The following CELF4 variants were observed in gnomAD, a reference collection of about 807,000 sequenced individuals.
CELF4 encodes CUGBP Elav-like family member 4.
In CELF4, 18 loss-of-function variants were observed where a neutral mutation model predicts 59.9. That is an observed-to-expected ratio of 0.30 (90% CI 0.21 to 0.45). The LOEUF is 0.45. CELF4 is among the 20% of genes least tolerant of loss of function. The pLI is 1.00. For missense variants in CELF4, 456 were observed against 689.0 expected (o/e 0.66, Z 3.79); for synonymous variants, 261 against 267.1 (o/e 0.98, Z 0.22).
At chr18:37,425,198 C>T (rs1412057432) in intron 2 of CELF4, among the ~76,000 whole-genome samples, 4 of 152,364 alleles carry the variant, frequency 2.6e-5, no homozygotes, top group East Asian at 1.9e-4. Context: ...TGAAGGTGCT[C>T]GGCCATGACT....
Position 37,565,590 on chromosome 18 carries a change from G to T in CELF4, c.52C>A (p.Leu18Ile), listed in dbSNP as rs140670537. Residue 18 changes from leucine (L) to isoleucine (I), a missense_variant, in exon 1 of 13, where the codon CTC becomes ATC. Physicochemically the swap from Leu to Ile is conservative, Grantham distance 5. This residue lies in a region of CELF4 where 70 missense variants were observed against 69.5 expected (regional missense o/e 1.01). Coordinates refer to ENST00000420428, the MANE Select transcript of CELF4 (RefSeq NM_020180.4). ...LANGQADNAS[L>I]STNGLGSSPG... ...CTGCTGCCGAGCCCGTTGGTACTGA[G>T]GCTTGCGTTGTCAGCCTGTCCGTTT... The T allele has an allele frequency of 4.8e-5, 77 of 1,611,222 alleles. No homozygotes were observed. The highest frequency in any genetic ancestry group is 6.2e-5 in the Non-Finnish European group (73 of 1,178,280).
At chr18:37,369,592 T>C (rs947406067) in intron 2 of CELF4, among the ~76,000 whole-genome samples, 2 of 152,224 alleles carry the variant, frequency 1.3e-5, no homozygotes, top group Non-Finnish European at 2.9e-5. Context: ...CTCTCTAGTT[T>C]CACCATCTCT....
At chr18:37,364,949 C>T (rs1464999283) in intron 2 of CELF4, among the ~76,000 whole-genome samples, 1 of 152,074 alleles carries the variant, frequency 6.6e-6, no homozygotes, top group African/African-American at 2.4e-5. Context: ...GGAAGGTCAG[C>T]AGGGACCAGG....
chr18:37,274,621 C>A, intron 5 of CELF4, 167 bp from the exon 6 acceptor site: 1 of 1,513,314 alleles, frequency 6.6e-7, no homozygotes, highest in South Asian at 1.2e-5. Context: ...CGGGCATTTT[C>A]CACCTGGGTA....
chr18:37,359,173 A>C (rs1220762288), intron 2 of CELF4, among the ~76,000 whole-genome samples: 1 of 152,156 alleles, frequency 6.6e-6, no homozygotes, highest in Non-Finnish European at 1.5e-5. Context: ...GAAGGGCGAC[A>C]AGGGAGCCTG....
At chr18:37,287,116 C>G (rs1274131062) in intron 3 of CELF4, among the ~76,000 whole-genome samples, 1 of 152,164 alleles carries the variant, frequency 6.6e-6, no homozygotes, top group Non-Finnish European at 1.5e-5. Flanking sequence ...AGCCAGGTGA[C>G]TCGGGCTGGC....
chr18:37,458,984 G>T (rs1337803333), intron 2 of CELF4, among the ~76,000 whole-genome samples: 1 of 152,222 alleles, frequency 6.6e-6, no homozygotes, highest in African/African-American at 2.4e-5. Flanking sequence ...TATCTGGAGA[G>T]CTTGGCTCTG....
At chr18:37,336,653 C>T (rs956668171) in intron 2 of CELF4, among the ~76,000 whole-genome samples, 3 of 120,818 alleles carry the variant, frequency 2.5e-5, no homozygotes, top group African/African-American at 6.5e-5. Flanking sequence ...CAGGCCCTGG[C>T]ACACGTGCAT....
intron 2 of CELF4, among the ~76,000 whole-genome samples, chr18:37,410,980 G>T (rs763026530): frequency 1.3e-5 from 2 of 152,118 alleles, no homozygotes; most frequent in Non-Finnish European, 2.9e-5. Flanking sequence ...TTTTTGAGAC[G>T]AGGTCTCACT....
chr18:37,530,774 C>T (rs576992193), intron 1 of CELF4, among the ~76,000 whole-genome samples: 14 of 152,004 alleles, frequency 9.2e-5, no homozygotes, highest in Non-Finnish European at 1.5e-4. Context: ...CAAGCCCTTT[C>T]GGCCCTATCT....
At chr18:37,548,332 A>G (rs1416665684) in intron 1 of CELF4, among the ~76,000 whole-genome samples, 1 of 152,204 alleles carries the variant, frequency 6.6e-6, no homozygotes, top group Non-Finnish European at 1.5e-5. Flanking sequence ...GCTTGAGCAT[A>G]TGACCAATCT....
intron 1 of CELF4, among the ~76,000 whole-genome samples, chr18:37,547,160 G>GTGGTGT (rs61235122): frequency 5.5e-5 from 8 of 144,252 alleles, no homozygotes; most frequent in African/African-American, 5.1e-5. Context: ...GTGTGTGTGT[G>GTGGTGT]GTGTGTGTGT....
At chr18:37,340,097 ACT>A (rs928750334) in intron 2 of CELF4, among the ~76,000 whole-genome samples, 2 of 151,882 alleles carry the variant, frequency 1.3e-5, no homozygotes, top group Non-Finnish European at 1.5e-5. Context: ...CCCTTTCCTG[ACT>A]CCCACCACAA....
intron 2 of CELF4, among the ~76,000 whole-genome samples, chr18:37,323,154 C>T (rs1329699297): frequency 6.6e-6 from 1 of 151,908 alleles, no homozygotes; most frequent in Non-Finnish European, 1.5e-5. Context: ...AAGGTGAGCA[C>T]AAGGCCAGTG....
At chr18:37,421,104 C>G (rs764672692) in intron 2 of CELF4, among the ~76,000 whole-genome samples, 1 of 152,214 alleles carries the variant, frequency 6.6e-6, no homozygotes, top group Non-Finnish European at 1.5e-5. Context: ...CATCCCCTCC[C>G]CAACATCCCT....
chr18:37,417,197 G>A (rs1312247068), intron 2 of CELF4, among the ~76,000 whole-genome samples: 2 of 152,172 alleles, frequency 1.3e-5, no homozygotes, highest in African/African-American at 4.8e-5. Context: ...CTTGCTGACT[G>A]GGCTCCAAGT....
intron 2 of CELF4, among the ~76,000 whole-genome samples, chr18:37,438,706 T>C (rs938599249): frequency 8.5e-5 from 13 of 152,198 alleles, no homozygotes; most frequent in African/African-American, 2.9e-4. Flanking sequence ...CTTCACACCA[T>C]CCAGTCATAC....
chr18:37,312,047 C>G (rs565776604), intron 3 of CELF4, among the ~76,000 whole-genome samples: 15 of 132,322 alleles, frequency 1.1e-4, no homozygotes, highest in African/African-American at 4.1e-4. Context: ...GGAGGTGGAA[C>G]TTGCAGTGAG....
intron 1 of CELF4, among the ~76,000 whole-genome samples, chr18:37,518,401 G>A (rs552573307): frequency 5.3e-5 from 8 of 152,244 alleles, no homozygotes; most frequent in South Asian, 2.1e-4. Flanking sequence ...TCCCCTGAAC[G>A]AGAAGTATTA....
Sources: allele counts gnomAD v4.1 joint callset (sites outside exome capture counted in the v4.1 genomes callset), GRCh38; gene constraint gnomAD v4.1.1; regional missense constraint gnomAD v4.1.1; transcripts MANE v1.5; gene names NCBI Gene and HGNC (gene_info 2026-07-23, HGNC 2026-07-21).